CDKAL1: variants seen among roughly 807,000 people sequenced by gnomAD.
CDKAL1 encodes CDKAL1 threonylcarbamoyladenosine tRNA methylthiotransferase.
CDKAL1 carries 32 observed loss-of-function variants against 68.2 expected under a neutral mutation model. The ratio of observed to expected loss-of-function variants is 0.47; its 90% CI spans 0.35 to 0.63. The LOEUF (loss-of-function observed/expected upper bound fraction) is 0.63. Among genes scored for constraint, CDKAL1 ranks in the 30% least tolerant of loss-of-function variants. The probability of loss-of-function intolerance (pLI) is 0.00; values close to 1 mark genes in which losing one functional copy is unlikely to be tolerated. For missense variants in CDKAL1, 606 were observed against 696.7 expected (o/e 0.87, Z 1.47); for synonymous variants, 234 against 244.3 (o/e 0.96, Z 0.39).
chr6:20,589,255 AT>A (rs1273265502), intron 4 of CDKAL1, among the ~76,000 whole-genome samples: 1 of 152,260 alleles, frequency 6.6e-6, no homozygotes, highest in African/African-American at 2.4e-5. Context: ...TGACAAAAAA[AT>A]ACTAATCTTG....
chr6:20,557,389 G>A (rs1477597612), intron 4 of CDKAL1, among the ~76,000 whole-genome samples: 1 of 152,016 alleles, frequency 6.6e-6, no homozygotes, highest in African/African-American at 2.4e-5. Flanking sequence ...AGATATAGTT[G>A]AATCTTAGCA....
chr6:20,616,840 CA>C (rs1766931190), intron 4 of CDKAL1, among the ~76,000 whole-genome samples: 2 of 10,726 alleles, frequency 1.9e-4, no homozygotes, highest in African/African-American at 1.0e-3. Context: ...CCGACTCTAC[CA>C]CACACACACA....
intron 13 of CDKAL1, among the ~76,000 whole-genome samples, chr6:21,109,163 C>T (rs773083705): frequency 4.5e-4 from 68 of 152,292 alleles, no homozygotes; most frequent in Non-Finnish European, 7.5e-4. Flanking sequence ...CTTAACTCCA[C>T]ATCTTCATGG....
At chr6:21,149,145 CT>C (rs751130086) in intron 13 of CDKAL1, among the ~76,000 whole-genome samples, 88 of 146,382 alleles carry the variant, frequency 6.0e-4, no homozygotes, top group Non-Finnish European at 8.2e-4. Context: ...CTTCAAAAAA[CT>C]TTTTTTTTTT....
intron 4 of CDKAL1, among the ~76,000 whole-genome samples, chr6:20,604,614 A>G (rs111947540): frequency 1.3e-5 from 2 of 152,216 alleles, no homozygotes; most frequent in Non-Finnish European, 2.9e-5. Context: ...AGGTGCGGCT[A>G]TGGGCTCGTG....
At chr6:20,996,376 C>A (rs1443166701) in intron 10 of CDKAL1, among the ~76,000 whole-genome samples, 4 of 152,222 alleles carry the variant, frequency 2.6e-5, no homozygotes, top group Non-Finnish European at 5.9e-5. Context: ...ATACCTTCCC[C>A]ACTAAGGTTA....
intron 6 of CDKAL1, among the ~76,000 whole-genome samples, chr6:20,749,610 C>T (rs958940582): frequency 1.2e-4 from 18 of 151,590 alleles, no homozygotes; most frequent in Admixed American, 9.8e-4. Flanking sequence ...TGCAGTGGCA[C>T]GATCTCGGCT....
At position 20,803,387 on chromosome 6, in the gene CDKAL1, T is replaced by C. The variant is rs550733568; in HGVS notation, c.638+22122T>C. On this transcript the variant is annotated intron_variant, in intron 8 of 15. Coordinates refer to ENST00000274695, the MANE Select transcript of CDKAL1 (RefSeq NM_017774.3). ...TCTGCTAGGCCTGCTTAGCCAACTA[T>C]AGTCATCTTTCAAAACTTTGTCAAA... 1.1e-4 allele frequency among the ~76,000 whole-genome samples: 16 copies of C among 152,300 alleles called. No individual in the cohort carries two copies. In the South Asian group the frequency reaches 3.3e-3, roughly 32 times the overall value.
intron 9 of CDKAL1, among the ~76,000 whole-genome samples, chr6:20,852,284 A>G (rs560735852): frequency 1.3e-5 from 2 of 152,192 alleles, no homozygotes; most frequent in African/African-American, 4.8e-5. Flanking sequence ...ATATAATCTG[A>G]TAGGAGTATG....
chr6:20,963,253 A>G (rs540984015), intron 10 of CDKAL1, among the ~76,000 whole-genome samples: 135 of 151,992 alleles, frequency 8.9e-4, no homozygotes, highest in Middle Eastern at 3.4e-3. Flanking sequence ...TAACTCTTCA[A>G]CTTCTCTGCT....
At chr6:20,605,330 G>C (rs962366046) in intron 4 of CDKAL1, among the ~76,000 whole-genome samples, 1 of 152,128 alleles carries the variant, frequency 6.6e-6, no homozygotes, top group Non-Finnish European at 1.5e-5. Flanking sequence ...TTCATCTCTG[G>C]AGCTTTGATC....
chr6:21,215,808 C>G (rs922196848), intron 15 of CDKAL1, among the ~76,000 whole-genome samples: 1 of 152,092 alleles, frequency 6.6e-6, no homozygotes, highest in Non-Finnish European at 1.5e-5. Context: ...CCCCACTTCA[C>G]CCCCCAAAGG....
chr6:20,734,282 A>G (rs1773088845), intron 5 of CDKAL1, among the ~76,000 whole-genome samples: 3 of 152,132 alleles, frequency 2.0e-5, no homozygotes, highest in South Asian at 4.1e-4. Context: ...AGAAAAGGGT[A>G]CCTCTCTTTA....
chr6:20,939,438 A>G (rs1763872683), intron 9 of CDKAL1, among the ~76,000 whole-genome samples: 1 of 152,208 alleles, frequency 6.6e-6, no homozygotes, highest in South Asian at 2.1e-4. Context: ...ATTTCACAAG[A>G]GTTTTGTAGA....
intron 12 of CDKAL1, among the ~76,000 whole-genome samples, chr6:21,082,120 G>GA (rs1772438848): frequency 6.6e-6 from 1 of 152,136 alleles, no homozygotes; most frequent in Non-Finnish European, 1.5e-5. Flanking sequence ...AATCAAATAT[G>GA]AGCAAATAAG....
rs760124854 is a variant in CDKAL1, at chr6:21,108,381, T to C, written c.1237-20T>C. 3 of 1,591,692 alleles carry C rather than the reference T, an allele frequency of 1.9e-6. No homozygotes were observed. Among genetic ancestry groups the C allele is most frequent in the Non-Finnish European group, 2.6e-6 (3 of 1,165,584 alleles). On this transcript the variant is annotated intron_variant, in intron 12 of 15. Transcript: ENST00000274695. ...ATTGTTTGTATGTTGGTTTTTTGTT[T>C]TTTTTGTTTTTTTTCACAGAAAAAG...
chr6:20,862,051 T>C (rs538560386), intron 9 of CDKAL1, among the ~76,000 whole-genome samples: 43 of 152,348 alleles, frequency 2.8e-4, no homozygotes, highest in Admixed American at 5.9e-4. Flanking sequence ...ATTTTAATAG[T>C]AAAATATTAT....
chr6:20,893,174 A>G (rs547807753), intron 9 of CDKAL1, among the ~76,000 whole-genome samples: 47 of 152,198 alleles, frequency 3.1e-4, no homozygotes, highest in Non-Finnish European at 5.6e-4. Context: ...ATCACAAAAG[A>G]AGCGCATTAG....
At chr6:20,870,244 T>C (rs1760136254) in intron 9 of CDKAL1, among the ~76,000 whole-genome samples, 1 of 152,198 alleles carries the variant, frequency 6.6e-6, no homozygotes. Context: ...GCCATCTGAA[T>C]TTCCCATCAC....
Sources: gnomAD v4.1 joint callset for allele counts (sites outside exome capture counted in the v4.1 genomes callset) on GRCh38, gnomAD v4.1.1 for gene constraint, MANE v1.5 for transcripts, NCBI Gene and HGNC (gene_info 2026-07-23, HGNC 2026-07-21) for gene names.